The following SLIT3 variants were observed in gnomAD, a reference collection of about 807,000 sequenced individuals.
The protein encoded by SLIT3 is slit guidance ligand 3.
SLIT3 carries 68 observed loss-of-function variants against 184.0 expected under a neutral mutation model. The ratio of observed to expected loss-of-function variants is 0.37; its 90% CI spans 0.30 to 0.45. The LOEUF is 0.45. Ranked by LOEUF, SLIT3 falls within the 20% of genes least tolerant of loss-of-function variation. The probability of loss-of-function intolerance (pLI) is 1.00; values close to 1 mark genes in which losing one functional copy is unlikely to be tolerated. For synonymous variants in SLIT3, 831 were observed against 828.6 expected, an observed-to-expected ratio of 1.00 and a Z score of -0.05; for missense variants, 1,707 against 2,026.0, an observed-to-expected ratio of 0.84 and a Z score of 3.02.
At chr5:169,113,227 C>G (rs2137139) in intron 4 of SLIT3, among the ~76,000 whole-genome samples, 24,862 of 151,990 alleles carry the variant, frequency 0.16, 2,987 homozygotes, top group African/African-American at 0.33. Flanking sequence ...CCTCATTTGC[C>G]CTTCCCTACC....
intron 9 of SLIT3, among the ~76,000 whole-genome samples, chr5:168,799,864 G>T (rs1173102258): frequency 6.6e-6 from 1 of 152,138 alleles, no homozygotes; most frequent in Admixed American, 6.5e-5. Context: ...GTACGAAGAG[G>T]TCAATTTTCC....
chr5:168,877,913 C>G (rs1416779508), intron 5 of SLIT3, among the ~76,000 whole-genome samples: 2 of 152,038 alleles, frequency 1.3e-5, no homozygotes, highest in South Asian at 2.1e-4. Context: ...TTAGGCTTGG[C>G]TGGATTGTGG....
At chr5:168,918,468 C>T (rs1401521299) in intron 4 of SLIT3, among the ~76,000 whole-genome samples, 1 of 152,182 alleles carries the variant, frequency 6.6e-6, no homozygotes, top group Non-Finnish European at 1.5e-5. Flanking sequence ...CACTGAGGGC[C>T]CCAGCCTGTT....
chr5:169,207,775 T>C (rs1022310117), intron 3 of SLIT3, among the ~76,000 whole-genome samples: 1 of 152,132 alleles, frequency 6.6e-6, no homozygotes, highest in African/African-American at 2.4e-5. Context: ...CATTTGGAGG[T>C]GGGACCTTTG....
At chr5:169,014,848 G>A (rs541042134) in intron 4 of SLIT3, among the ~76,000 whole-genome samples, 4 of 152,216 alleles carry the variant, frequency 2.6e-5, no homozygotes, top group Admixed American at 6.5e-5. Context: ...CTACTCAGGA[G>A]GCTGAGACAG....
intron 28 of SLIT3, among the ~76,000 whole-genome samples, chr5:168,695,414 T>C (rs1400124749): frequency 6.6e-6 from 1 of 152,164 alleles, no homozygotes; most frequent in Non-Finnish European, 1.5e-5. Flanking sequence ...GCAGGAATTT[T>C]TGGAACCTCT....
intron 19 of SLIT3, 137 bp from the exon 20 acceptor site, chr5:168,748,571 A>G: frequency 1.2e-6 from 1 of 810,482 alleles, no homozygotes; most frequent in Non-Finnish European, 1.8e-6. Flanking sequence ...GGAAGAGGGT[A>G]CCCGCTGGTC....
intron 4 of SLIT3, among the ~76,000 whole-genome samples, chr5:169,175,430 T>C (rs549949306): frequency 1.3e-5 from 2 of 152,246 alleles, no homozygotes; most frequent in East Asian, 3.9e-4. Flanking sequence ...CCATCTAAAT[T>C]TTAGCTTGAG....
chr5:169,018,986 T>G (rs1756497760), intron 4 of SLIT3, among the ~76,000 whole-genome samples: 1 of 152,164 alleles, frequency 6.6e-6, no homozygotes, highest in Non-Finnish European at 1.5e-5. Flanking sequence ...CATTGACAAC[T>G]AGTCACGCCC....
At chr5:168,946,806 AGG>A (rs1762496689) in intron 4 of SLIT3, among the ~76,000 whole-genome samples, 1 of 152,176 alleles carries the variant, frequency 6.6e-6, no homozygotes, top group South Asian at 2.1e-4. Context: ...GGGTTTAGAA[AGG>A]GTGTCTTCAA....
chr5:168,684,232 T>A (rs1307176231), intron 31 of SLIT3, 136 bp from the exon 32 acceptor site: 9 of 910,192 alleles, frequency 9.9e-6, no homozygotes, highest in Non-Finnish European at 1.2e-5. Flanking sequence ...TCTTTCCTCC[T>A]CCATCTAGTC....
At chr5:169,290,229 ACTAGGGCACATG>A (rs896187607) in intron 1 of SLIT3, among the ~76,000 whole-genome samples, 7 of 150,984 alleles carry the variant, frequency 4.6e-5, no homozygotes, top group African/African-American at 1.2e-4. Context: ...TAGGGTGCGC[ACTAGGGCACATG>A]CTAGGGCACA....
chr5:169,046,932 C>CT (rs1757644646), intron 4 of SLIT3, among the ~76,000 whole-genome samples: 1 of 152,136 alleles, frequency 6.6e-6, no homozygotes, highest in African/African-American at 2.4e-5. Flanking sequence ...ACACCATTTG[C>CT]TTTCTATATT....
chr5:169,056,510 G>A (rs1758005662), intron 4 of SLIT3, among the ~76,000 whole-genome samples: 2 of 151,886 alleles, frequency 1.3e-5, no homozygotes, highest in Admixed American at 6.6e-5. Context: ...ACACCACATT[G>A]CCATCGATAG....
At chr5:168,917,848 C>T (rs899175826) in intron 4 of SLIT3, among the ~76,000 whole-genome samples, 1 of 152,206 alleles carries the variant, frequency 6.6e-6, no homozygotes, top group African/African-American at 2.4e-5. Context: ...CAAGCTAATA[C>T]AATCTTCTCT....
intron 16 of SLIT3, among the ~76,000 whole-genome samples, chr5:168,759,078 C>T (rs183351380): frequency 1.3e-3 from 193 of 152,316 alleles, no homozygotes; most frequent in Non-Finnish European, 1.9e-3. Flanking sequence ...CATGACATCT[C>T]ATTGTGTACA....
intron 3 of SLIT3, among the ~76,000 whole-genome samples, chr5:169,207,250 C>T (rs1764101436): frequency 6.6e-6 from 1 of 151,958 alleles, no homozygotes; most frequent in Non-Finnish European, 1.5e-5. Context: ...CCCAGATGTT[C>T]ACTTACTGAG....
At chr5:169,034,273 CTTTTGT>C (rs1277581900) in intron 4 of SLIT3, among the ~76,000 whole-genome samples, 3 of 151,892 alleles carry the variant, frequency 2.0e-5, no homozygotes, top group Non-Finnish European at 4.4e-5. Flanking sequence ...TTTGCTTTTG[CTTTTGT>C]GTCCTGAGCC....
chr5:169,080,702 G>A (rs1435470852), intron 4 of SLIT3, among the ~76,000 whole-genome samples: 1 of 152,118 alleles, frequency 6.6e-6, no homozygotes, highest in African/African-American at 2.4e-5. Context: ...CCAACTCTGT[G>A]GCCGGGGCTG....
Sources: allele counts gnomAD v4.1 joint callset (sites outside exome capture counted in the v4.1 genomes callset), GRCh38; gene constraint gnomAD v4.1.1; transcripts MANE v1.5; gene names NCBI Gene and HGNC (gene_info 2026-07-23, HGNC 2026-07-21).